The following ZNF678 variants were observed in gnomAD, a reference collection of about 807,000 sequenced individuals.
The protein encoded by ZNF678 is hypothetical protein MGC42493.
Under a neutral mutation model 3.0 loss-of-function variants are expected in ZNF678, and 5 were observed. The observed-to-expected ratio is 1.69, with a 90% confidence interval of 0.88 to 3.56. The LOEUF (loss-of-function observed/expected upper bound fraction) is 3.56, where lower values mean the gene tolerates loss of function less well. Among genes scored for constraint, ZNF678 ranks in the 30% most tolerant of loss-of-function variants. The pLI, the probability that ZNF678 is intolerant of heterozygous loss-of-function variation, is 0.00. For synonymous variants in ZNF678, 218 were observed against 199.6 expected (o/e 1.09, Z -0.78); for missense variants, 593 against 605.0 (o/e 0.98, Z 0.21).
At chr1:227,614,670 C>G (rs1658100908) in intron 1 of ZNF678, among the ~76,000 whole-genome samples, 1 of 152,202 alleles carries the variant, frequency 6.6e-6, no homozygotes, top group African/African-American at 2.4e-5. Flanking sequence ...GCTCCTCTAG[C>G]CCTTGACCCC....
At chr1:227,671,074 CTTTT>C (rs200510182) in intron 5 of ZNF678, among the ~76,000 whole-genome samples, 41 of 120,554 alleles carry the variant, frequency 3.4e-4, no homozygotes, top group African/African-American at 3.3e-5. Context: ...AGTGGATCAC[CTTTT>C]TTTTTTTTTT....
chr1:227,593,582 C>A (rs1011995059), intron 1 of ZNF678, among the ~76,000 whole-genome samples: 1 of 152,072 alleles, frequency 6.6e-6, no homozygotes, highest in Non-Finnish European at 1.5e-5. Context: ...TCAGGAGGGA[C>A]AGAAGTACTT....
chr1:227,635,927 A>G (rs1658667811), intron 1 of ZNF678, among the ~76,000 whole-genome samples: 1 of 152,116 alleles, frequency 6.6e-6, no homozygotes, highest in East Asian at 1.9e-4. Flanking sequence ...GGGAAAACAG[A>G]TGACTTTCTC....
intron 1 of ZNF678, among the ~76,000 whole-genome samples, chr1:227,564,790 G>T (rs1030877730): frequency 2.6e-5 from 4 of 152,196 alleles, no homozygotes; most frequent in Admixed American, 6.5e-5. Context: ...GTAGTGCAGT[G>T]GCGCGATCTT....
intron 2 of ZNF678, among the ~76,000 whole-genome samples, chr1:227,649,725 A>G (rs1160472175): frequency 6.6e-6 from 1 of 152,160 alleles, no homozygotes; most frequent in East Asian, 1.9e-4. Context: ...GTGTGAAGTG[A>G]TATTTCATCA....
chr1:227,627,032 A>G (rs1364130547), intron 1 of ZNF678, among the ~76,000 whole-genome samples: 1 of 145,418 alleles, frequency 6.9e-6, no homozygotes, highest in Non-Finnish European at 1.5e-5. Flanking sequence ...GGTAAAATCT[A>G]GTTGCCAGTC....
At chr1:227,575,338 A>G (rs1463806574) in intron 1 of ZNF678, among the ~76,000 whole-genome samples, 1 of 152,022 alleles carries the variant, frequency 6.6e-6, no homozygotes, top group Non-Finnish European at 1.5e-5. Context: ...TTTGGGCAGT[A>G]TGGCCATTTT....
intron 1 of ZNF678, among the ~76,000 whole-genome samples, chr1:227,596,594 C>G (rs1159718064): frequency 6.6e-6 from 1 of 152,198 alleles, no homozygotes; most frequent in African/African-American, 2.4e-5. Flanking sequence ...GTTTTTACTT[C>G]TTCTTTCTTT....
chr1:227,629,990 T>C (rs1476123459), intron 1 of ZNF678, among the ~76,000 whole-genome samples: 1 of 152,006 alleles, frequency 6.6e-6, no homozygotes, highest in Non-Finnish European at 1.5e-5. Flanking sequence ...TTTTTTCTCC[T>C]GATCTCTATT....
Position 227,612,936 on chromosome 1 carries a change from G to A in ZNF678, c.-163-33608G>A, listed in dbSNP as rs79624812. Among the ~76,000 whole-genome samples, 619 of 152,192 alleles carry A rather than the reference G, an allele frequency of 4.1e-3. 6 individuals are homozygous for A. The highest frequency in any genetic ancestry group is 0.014 in the African/African-American group (588 of 41,520). ...ATCAGTGTCTGACTGTGTCAGTCCTGGCCCCTTTTGGGAACCTCCATGTTA... is the reference window on the plus strand; with the variant it reads ...ATCAGTGTCTGACTGTGTCAGTCCTAGCCCCTTTTGGGAACCTCCATGTTA... On this transcript the variant is annotated intron_variant, in intron 1 of 3. Transcript: ENST00000343776.
At chr1:227,673,080 G>A (rs1659627587) in intron 5 of ZNF678, among the ~76,000 whole-genome samples, 3 of 152,232 alleles carry the variant, frequency 2.0e-5, no homozygotes, top group Admixed American at 2.0e-4. Context: ...CCACTTCCAA[G>A]TGCTACCTCA....
At chr1:227,665,088 G>A (rs1006499288), downstream of ZNF678, among the ~76,000 whole-genome samples, 2 of 152,186 alleles carry the variant, frequency 1.3e-5, no homozygotes, top group South Asian at 2.1e-4. Flanking sequence ...AAAATTCTTC[G>A]GGTACAAATG....
At chr1:227,669,877 T>C (rs370969737) in intron 5 of ZNF678, among the ~76,000 whole-genome samples, 9 of 152,228 alleles carry the variant, frequency 5.9e-5, no homozygotes, top group East Asian at 3.9e-4. Flanking sequence ...AATAAATTAT[T>C]ATACCAATAA....
intron 1 of ZNF678, among the ~76,000 whole-genome samples, chr1:227,631,835 TGA>T (rs1395478011): frequency 6.6e-6 from 1 of 152,232 alleles, no homozygotes; most frequent in Non-Finnish European, 1.5e-5. Context: ...GGCAAAGCTG[TGA>T]GAGAGATAAT....
intron 1 of ZNF678, among the ~76,000 whole-genome samples, chr1:227,636,696 C>T (rs1190230443): frequency 1.3e-5 from 2 of 152,242 alleles, no homozygotes; most frequent in African/African-American, 4.8e-5. Context: ...GAGGGTGCTG[C>T]CCACTGTTAA....
At chr1:227,578,431 G>T (rs1157188282) in intron 1 of ZNF678, among the ~76,000 whole-genome samples, 1 of 151,866 alleles carries the variant, frequency 6.6e-6, no homozygotes, top group African/African-American at 2.4e-5. Context: ...TGTTTTATTT[G>T]TTCCTTTTAA....
intron 1 of ZNF678, among the ~76,000 whole-genome samples, chr1:227,604,392 G>A (rs1657812761): frequency 6.6e-6 from 1 of 152,126 alleles, no homozygotes; most frequent in South Asian, 2.1e-4. Context: ...TCTCCCTGAG[G>A]GTTATTTTTT....
At position 227,606,559 on chromosome 1, in the gene ZNF678, A is replaced by G. The variant is rs149869148; in HGVS notation, c.-163-39985A>G. 2.4e-3 allele frequency among the ~76,000 whole-genome samples: 361 copies of G among 152,262 alleles called. 3 individuals carry two copies. In the East Asian group the frequency reaches 0.033, roughly 14 times the overall value. On this transcript the variant is annotated intron_variant, in intron 1 of 3. Coordinates refer to ENST00000343776, the MANE Select transcript of ZNF678 (RefSeq NM_001367909.1). ...AGGCCTTCCTCTTATTTCAGCCGCAAAGAGGCCTTCCTCTTTTACTAATCC... is the reference window on the plus strand; with the variant it reads ...AGGCCTTCCTCTTATTTCAGCCGCAGAGAGGCCTTCCTCTTTTACTAATCC...
chr1:227,665,993 G>A (rs1659499286), downstream of ZNF678, among the ~76,000 whole-genome samples: 1 of 152,064 alleles, frequency 6.6e-6, no homozygotes, highest in South Asian at 2.1e-4. Flanking sequence ...CTGACTTCTA[G>A]TTTAGTGAGG....
Sources: allele counts gnomAD v4.1 joint callset (sites outside exome capture counted in the v4.1 genomes callset), GRCh38; gene constraint gnomAD v4.1.1; transcripts MANE v1.5; gene names NCBI Gene and HGNC (gene_info 2026-07-23, HGNC 2026-07-21).